The following ZFHX3 variants were observed in gnomAD, a reference collection of about 807,000 sequenced individuals.
ZFHX3 encodes zinc finger homeobox 3, also known as zinc finger homeobox protein 3.
ZFHX3 carries 42 observed loss-of-function variants against 279.1 expected under a neutral mutation model. That is an observed-to-expected ratio of 0.15 (90% CI 0.12 to 0.19). The LOEUF is 0.19. Ranked by LOEUF, ZFHX3 falls within the 10% of genes least tolerant of loss-of-function variation. The pLI, the probability that ZFHX3 is intolerant of heterozygous loss-of-function variation, is 1.00. For synonymous variants in ZFHX3, 2,293 were observed against 1,957.8 expected, an observed-to-expected ratio of 1.17 and a Z score of -4.52; for missense variants, 4,981 against 4,754.0, an observed-to-expected ratio of 1.05 and a Z score of -1.40.
chr16:72,981,226 G>A (rs566395348), intron 1 of ZFHX3, among the ~76,000 whole-genome samples: 2 of 152,282 alleles, frequency 1.3e-5, no homozygotes, highest in South Asian at 2.1e-4. Flanking sequence ...GGCTGCTAAT[G>A]TTTAAAAGAA....
In ZFHX3 at chr16:72,958,386, C is replaced by T. The variant is rs1961371428; in HGVS notation, c.1760G>A (p.Arg587Lys). 2 of 1,614,186 alleles carry T rather than the reference C, an allele frequency of 1.2e-6. No individual in the cohort carries two copies. The highest frequency in any genetic ancestry group is 1.3e-5 in the African/African-American group (1 of 75,042). The change falls in exon 2 of 10, where the codon AGG becomes AAG. Residue 587 changes from arginine (R) to lysine (K), a missense_variant. Arg to Lys is a conservative substitution (Grantham distance 26, BLOSUM62 2). Transcript: ENST00000268489. Reference protein sequence around the residue: ...VRANVAEGGRRLDFADESANK... With the variant: ...VRANVAEGGRKLDFADESANK... ...GGCACTTTCGTCAGCGAAGTCCAGC[C>T]TCCTGCCGCCCTCTGCCACATTGGC...
rs140609871 is a variant in ZFHX3 at position 73,325,928 on chromosome 16, A to AACACACACACACACACACACACAAAAAC, written c.-1290-7593_-1290-7592insGTTTTTGTGTGTGTGTGTGTGTGTGTGT. Reference sequence around the variant, plus strand: ...ACACACACACACACACACACACACAAACACACACACACACACACACACAGG... The same window carrying AACACACACACACACACACACACAAAAAC: ...ACACACACACACACACACACACACAAACACACACACACACACACACACAAAAACACACACACACACACACACACACAGG... On this transcript the variant is annotated intron_variant, in intron 3 of 17. Transcript: ENST00000641206. 6.9e-5 allele frequency among the ~76,000 whole-genome samples: 10 copies of AACACACACACACACACACACACAAAAAC among 145,492 alleles called. No individual in the cohort carries two copies. The Admixed American group carries it at 7.1e-4, about 10-fold the overall frequency.
At position 72,887,891 on chromosome 16, in the gene ZFHX3, G is replaced by T. The variant is rs972529379; in HGVS notation, c.3448+1840C>A. Among the ~76,000 whole-genome samples, 11 of 152,012 alleles carry T rather than the reference G, an allele frequency of 7.2e-5. No homozygotes were observed. The South Asian group carries it at 2.3e-3, about 32-fold the overall frequency. ...TGTATGTGTGTGCGCGCACGTGCGAGAACGTGTATGAGGTATCGGGCTGGT... is the reference window on the plus strand; with the variant it reads ...TGTATGTGTGTGCGCGCACGTGCGATAACGTGTATGAGGTATCGGGCTGGT... On this transcript the variant is annotated intron_variant, in intron 4 of 9. Transcript: ENST00000268489.
At chr16:73,306,561 G>T (rs1035205985) in intron 4 of ZFHX3, among the ~76,000 whole-genome samples, 16 of 152,208 alleles carry the variant, frequency 1.1e-4, no homozygotes, top group African/African-American at 3.4e-4. Flanking sequence ...GACCTCAAAT[G>T]ATCCACCTGC....
intron 3 of ZFHX3, among the ~76,000 whole-genome samples, chr16:73,441,626 C>T (rs754146109): frequency 2.6e-5 from 4 of 152,138 alleles, no homozygotes; most frequent in Non-Finnish European, 5.9e-5. Flanking sequence ...TCACGCAAGT[C>T]CAGCTCAGAG....
chr16:73,601,772 C>G (rs113840524), intron 2 of ZFHX3, among the ~76,000 whole-genome samples: 2 of 152,050 alleles, frequency 1.3e-5, no homozygotes, highest in Non-Finnish European at 1.5e-5. Flanking sequence ...GTGAAGCCAT[C>G]TAGAAAATAA....
intron 4 of ZFHX3, among the ~76,000 whole-genome samples, chr16:72,851,095 C>A (rs1236645971): frequency 6.6e-6 from 1 of 152,090 alleles, no homozygotes; most frequent in Non-Finnish European, 1.5e-5. Context: ...TAGAAAGTGC[C>A]ATTTTTTTCC....
intron 2 of ZFHX3, among the ~76,000 whole-genome samples, chr16:73,467,814 T>C (rs931922669): frequency 2.0e-5 from 3 of 152,158 alleles, no homozygotes; most frequent in African/African-American, 4.8e-5. Flanking sequence ...GGTGAAGGAA[T>C]AGATTTTTGT....
At chr16:73,234,421 T>C (rs1468549148) in intron 5 of ZFHX3, among the ~76,000 whole-genome samples, 7 of 152,154 alleles carry the variant, frequency 4.6e-5, no homozygotes, top group East Asian at 1.9e-4. Context: ...TTGTGTTTGT[T>C]TTTTTGTTTT....
At chr16:72,831,398 C>T (rs1449785056) in intron 4 of ZFHX3, among the ~76,000 whole-genome samples, 1 of 152,098 alleles carries the variant, frequency 6.6e-6, no homozygotes, top group Non-Finnish European at 1.5e-5. Context: ...ATCTCCAACT[C>T]AGGATTCCAC....
rs35101079 is a variant in ZFHX3 at position 73,105,432 on chromosome 16, T to TAC, written c.-896-11836_-896-11835dup. On this transcript the variant is annotated intron_variant, in intron 7 of 17. Coordinates refer to the ZFHX3 transcript ENST00000641206. ...ATACACACACACATATATATATATA[T>TAC]ACACACACACACATATATATATATA... 3.0e-3 allele frequency among the ~76,000 whole-genome samples: 356 copies of TAC among 117,070 alleles called. 9 individuals carry two copies. The highest frequency in any genetic ancestry group is 0.014 in the African/African-American group (330 of 23,014). The allele number at this position is 117,070 out of a possible 152,430, so 76.8% of individuals were successfully genotyped here. A position where few individuals can be genotyped will look rare whatever the true frequency, so the allele number is the denominator to read the frequency against.
chr16:73,232,308 T>C (rs1312891800), intron 5 of ZFHX3: 1 of 152,128 alleles, frequency 6.6e-6, no homozygotes, highest in Non-Finnish European at 1.5e-5. Flanking sequence ...TCAATATCCG[T>C]ATTGATTATT....
chr16:73,468,695 C>T (rs1054444801), intron 2 of ZFHX3, among the ~76,000 whole-genome samples: 2 of 152,052 alleles, frequency 1.3e-5, no homozygotes, highest in African/African-American at 4.8e-5. Context: ...CGAGATTGCA[C>T]CACTGCACAA....
At chr16:73,221,591 C>A (rs1027321602) in intron 5 of ZFHX3, among the ~76,000 whole-genome samples, 3 of 145,742 alleles carry the variant, frequency 2.1e-5, no homozygotes, top group African/African-American at 8.5e-5. Context: ...GCCACCTGTT[C>A]CCCAAAAACT....
intron 6 of ZFHX3, among the ~76,000 whole-genome samples, chr16:73,133,412 C>T (rs998896836): frequency 6.6e-6 from 1 of 151,880 alleles, no homozygotes; most frequent in Non-Finnish European, 1.5e-5. Context: ...GTCCCAGCTA[C>T]TCGGGAGGCT....
chr16:73,871,299 C>T (rs898722719), intron 1 of ZFHX3, among the ~76,000 whole-genome samples: 6 of 152,164 alleles, frequency 3.9e-5, no homozygotes, highest in East Asian at 1.9e-4. Flanking sequence ...CACACTGAAA[C>T]GACTTGCGTC....
At chr16:73,505,832 A>G (rs2019317544) in intron 2 of ZFHX3, among the ~76,000 whole-genome samples, 1 of 152,248 alleles carries the variant, frequency 6.6e-6, no homozygotes, top group South Asian at 2.1e-4. Flanking sequence ...ACAGCCAAGG[A>G]GCAGAGACAC....
chr16:72,785,317 T>A lies in ZFHX3; in HGVS notation c.*1847A>T, dbSNP rs2035316850. 6.6e-6 allele frequency: 1 copy of A among 152,556 alleles called. No homozygotes were observed. The highest frequency in any genetic ancestry group is 2.4e-5 in the African/African-American group (1 of 41,460). 9.5% of individuals were successfully genotyped at this position (152,556 alleles called of 1,614,324 possible). A position where few individuals can be genotyped will look rare whatever the true frequency, so the allele number is the denominator to read the frequency against. On this transcript the variant is annotated 3_prime_UTR_variant, in exon 10 of 10. Coordinates refer to ENST00000268489, the MANE Select transcript of ZFHX3 (RefSeq NM_006885.4). ...AGTGCCTCACATACAGTTCCTTTTT[T>A]GCTTTCTGTACACTGCTATCTGCTG...
intron 1 of ZFHX3, among the ~76,000 whole-genome samples, chr16:73,749,431 T>A (rs1350811129): frequency 6.6e-6 from 1 of 152,162 alleles, no homozygotes; most frequent in Non-Finnish European, 1.5e-5. Flanking sequence ...ACCCATCTCA[T>A]CTGTAGTGCT....
Sources: gnomAD v4.1 joint callset for allele counts (sites outside exome capture counted in the v4.1 genomes callset) on GRCh38, gnomAD v4.1.1 for gene constraint, MANE v1.5 for transcripts, NCBI Gene and HGNC (gene_info 2026-07-23, HGNC 2026-07-21) for gene names.